The following DTNA variants were observed in gnomAD, a reference collection of about 807,000 sequenced individuals.
DTNA encodes the protein dystrophin-related protein 3.
In DTNA, 43 loss-of-function variants were observed where a neutral mutation model predicts 100.7. That is an observed-to-expected ratio of 0.43 (90% CI 0.33 to 0.55). The LOEUF is 0.55. Among genes scored for constraint, DTNA ranks in the 20% least tolerant of loss-of-function variants. The pLI is 0.04. For synonymous variants in DTNA, 349 were observed against 347.9 expected (o/e 1.00, Z -0.04); for missense variants, 798 against 953.9 (o/e 0.84, Z 2.15).
At chr18:34,867,017 T>A (rs1347493509) in intron 17 of DTNA, 3 of 1,220,914 alleles carry the variant, frequency 2.5e-6, no homozygotes, top group Non-Finnish European at 3.1e-6. Flanking sequence ...TAAATTAAAT[T>A]AAATAGAAGC....
At chr18:34,826,343 A>C (rs1271465931) in intron 9 of DTNA, among the ~76,000 whole-genome samples, 1 of 152,152 alleles carries the variant, frequency 6.6e-6, no homozygotes. Context: ...AGCAGTATAC[A>C]CTGTACCATA....
chr18:34,551,791 G>C (rs1364888106), intron 1 of DTNA, among the ~76,000 whole-genome samples: 1 of 152,106 alleles, frequency 6.6e-6, no homozygotes, highest in Non-Finnish European at 1.5e-5. Context: ...CCTGTACCAA[G>C]CTTAAAACCT....
intron 9 of DTNA, among the ~76,000 whole-genome samples, chr18:34,821,318 ACC>A (rs2095711098): frequency 6.6e-6 from 1 of 152,190 alleles, no homozygotes; most frequent in South Asian, 2.1e-4. Context: ...TTCTCTGCAG[ACC>A]CAGTTTAAGA....
At chr18:34,578,951 T>G (rs2048368184) in intron 1 of DTNA, among the ~76,000 whole-genome samples, 1 of 152,128 alleles carries the variant, frequency 6.6e-6, no homozygotes, top group Non-Finnish European at 1.5e-5. Context: ...TCACATCTGT[T>G]TTTTGTTCCT....
chr18:34,753,454 C>T (rs1236745572), intron 1 of DTNA, among the ~76,000 whole-genome samples: 4 of 138,180 alleles, frequency 2.9e-5, no homozygotes, highest in Non-Finnish European at 4.5e-5. Context: ...GGGATCTCGG[C>T]TCACTGCAAG....
At chr18:34,643,764 G>A (rs544174087) in intron 1 of DTNA, among the ~76,000 whole-genome samples, 8 of 152,266 alleles carry the variant, frequency 5.3e-5, no homozygotes, top group African/African-American at 1.4e-4. Context: ...TTTGAGGGTA[G>A]ATGCCAACAT....
intron 21 of DTNA, among the ~76,000 whole-genome samples, chr18:34,883,805 G>C (rs994883002): frequency 1.3e-5 from 2 of 152,182 alleles, no homozygotes; most frequent in Non-Finnish European, 2.9e-5. Flanking sequence ...ACAAAGTTTT[G>C]CCTCTTTGGA....
intron 9 of DTNA, among the ~76,000 whole-genome samples, chr18:34,822,738 A>G (rs1390001439): frequency 2.6e-5 from 4 of 152,162 alleles, no homozygotes. Context: ...CTTACGGGGC[A>G]ATATAATCTG....
intron 1 of DTNA, among the ~76,000 whole-genome samples, chr18:34,605,040 A>G (rs2147297853): frequency 6.6e-6 from 1 of 152,142 alleles, no homozygotes; most frequent in South Asian, 2.1e-4. Flanking sequence ...CATCCAAGTG[A>G]TAAGTCTGCA....
At chr18:34,851,805 AATCT>A (rs2096483369) in intron 14 of DTNA, 22 bp from the exon 15 acceptor site, 1 of 1,611,876 alleles carries the variant, frequency 6.2e-7, no homozygotes, top group Non-Finnish European at 8.5e-7. Flanking sequence ...CTCAATATGA[AATCT>A]TATAAACTAC....
At chr18:34,787,828 T>C (rs903820770) in intron 3 of DTNA, among the ~76,000 whole-genome samples, 4 of 152,208 alleles carry the variant, frequency 2.6e-5, no homozygotes, top group Non-Finnish European at 4.4e-5. Flanking sequence ...TCTATTTCCA[T>C]TTATGTATGT....
intron 1 of DTNA, among the ~76,000 whole-genome samples, chr18:34,559,817 A>G: frequency 6.6e-6 from 1 of 152,224 alleles, no homozygotes; most frequent in South Asian, 2.1e-4. Context: ...TTTCTTTACT[A>G]GTAAGCTGGA....
Position 34,838,124 on chromosome 18 carries a change from G to C in DTNA, c.1206G>C (p.Gln402His). 1 of 1,613,880 alleles carries C rather than the reference G, an allele frequency of 6.2e-7. No homozygotes were observed. Among genetic ancestry groups the C allele is most frequent in the Non-Finnish European group, 8.5e-7 (1 of 1,179,834 alleles). ...CTCCCAAGGACAGTGAAGTAGAGCA[G>C]AACAAACTGCTGGCTAGGGCTGCTC... ...RSPPKDSEVEQNKLLARAAPA... is the reference protein window; with the variant it reads ...RSPPKDSEVEHNKLLARAAPA... Residue 402 changes from glutamine (Q) to histidine (H), a missense_variant, in exon 12 of 23, where the codon CAG becomes CAC. By Grantham distance (24) the Gln-to-His change is conservative. Around this residue, in one of 6 missense-constraint regions of DTNA, gnomAD observed 159 missense variants for 201.2 expected, o/e 0.79. Coordinates refer to ENST00000444659, the MANE Select transcript of DTNA (RefSeq NM_001386795.1).
At chr18:34,867,463 G>A in intron 17 of DTNA, 1 of 1,220,876 alleles carries the variant, frequency 8.2e-7, no homozygotes, top group Non-Finnish European at 1.0e-6. Context: ...TGCATACATG[G>A]GGTATTGCTA....
intron 1 of DTNA, among the ~76,000 whole-genome samples, chr18:34,723,899 C>CA (rs1031502309): frequency 2.8e-4 from 39 of 141,462 alleles, no homozygotes; most frequent in South Asian, 6.8e-4. Flanking sequence ...GATTCTGTCT[C>CA]AAAAAAAAAG....
intron 1 of DTNA, among the ~76,000 whole-genome samples, chr18:34,671,867 C>T (rs918193119): frequency 3.9e-5 from 6 of 152,130 alleles, no homozygotes; most frequent in Non-Finnish European, 5.9e-5. Context: ...GCTTCTCTAA[C>T]AAATGAATGC....
chr18:34,866,060 C>A, intron 17 of DTNA: 1 of 1,605,978 alleles, frequency 6.2e-7, no homozygotes, highest in South Asian at 1.1e-5. Flanking sequence ...TGTACATGCT[C>A]TTATTGGAAC....
chr18:34,649,103 G>A (rs1024956572), intron 1 of DTNA, among the ~76,000 whole-genome samples: 2 of 152,126 alleles, frequency 1.3e-5, no homozygotes, highest in African/African-American at 4.8e-5. Context: ...AGAACACTGT[G>A]TACAGAAGGC....
At chr18:34,604,455 G>A (rs1265702168) in intron 1 of DTNA, among the ~76,000 whole-genome samples, 2 of 151,988 alleles carry the variant, frequency 1.3e-5, no homozygotes, top group Admixed American at 1.3e-4. Flanking sequence ...CTATAATGAT[G>A]TCAGCAACTC....
Sources: gnomAD v4.1 joint callset for allele counts (sites outside exome capture counted in the v4.1 genomes callset) on GRCh38, gnomAD v4.1.1 for gene constraint, gnomAD v4.1.1 regional missense constraint, MANE v1.5 for transcripts, NCBI Gene and HGNC (gene_info 2026-07-23, HGNC 2026-07-21) for gene names.